The following DLD variants were observed in gnomAD, a reference collection of about 807,000 sequenced individuals.
DLD encodes dihydrolipoyl dehydrogenase, mitochondrial.
DLD carries 36 observed loss-of-function variants against 62.2 expected under a neutral mutation model. The observed-to-expected ratio is 0.58, with a 90% CI of 0.44 to 0.76. The LOEUF is 0.76. Ranked by LOEUF, DLD falls within the 30% of genes least tolerant of loss-of-function variation. DLD has a pLI of 0.00. For synonymous variants in DLD, 204 were observed against 199.6 expected, an observed-to-expected ratio of 1.02 and a Z score of -0.19; for missense variants, 541 against 608.6, an observed-to-expected ratio of 0.89 and a Z score of 1.17.
At chr7:107,901,580 C>G (rs967749042) in intron 2 of DLD, among the ~76,000 whole-genome samples, 158 bp from the exon 3 acceptor site, 4 of 152,078 alleles carry the variant, frequency 2.6e-5, no homozygotes, top group African/African-American at 9.7e-5. Context: ...CAAAGAGCAT[C>G]AAGTAGTAGT....
chr7:107,899,122 A>T (rs1408447215), intron 2 of DLD, among the ~76,000 whole-genome samples: 1 of 152,072 alleles, frequency 6.6e-6, no homozygotes, highest in Non-Finnish European at 1.5e-5. Context: ...AGTACCACAT[A>T]TGTGCTCATT....
At chr7:107,899,215 C>T (rs1476903606) in intron 2 of DLD, among the ~76,000 whole-genome samples, 4 of 151,508 alleles carry the variant, frequency 2.6e-5, no homozygotes, top group East Asian at 1.9e-4. Flanking sequence ...CTTATACCCT[C>T]CTGTATTCTC....
chr7:107,913,356 T>A (rs2032189588), intron 8 of DLD, among the ~76,000 whole-genome samples: 1 of 152,134 alleles, frequency 6.6e-6, no homozygotes, highest in Non-Finnish European at 1.5e-5. Context: ...CGATATTAAT[T>A]TTTCCAGTCC....
In DLD at chr7:107,891,556, C is replaced by G. The variant is rs925645776; in HGVS notation, c.39+267C>G. On this transcript the variant is annotated intron_variant, in intron 1 of 13. Transcript: ENST00000205402. ...GGCCGGCGGTCACACATGCCACACC[C>G]CCAAGCCTGGGCCGAGGGCCATCCC... The G allele has an allele frequency of 6.8e-6, 4 of 591,886 alleles. No homozygotes were observed. The African/African-American group carries it at 7.5e-5, about 11-fold the overall frequency. 36.7% of individuals were successfully genotyped at this position (591,886 alleles called of 1,614,324 possible). A position where few individuals can be genotyped will look rare whatever the true frequency, so the allele number is the denominator to read the frequency against.
At chr7:107,892,309 C>A (rs778663931) in intron 1 of DLD, among the ~76,000 whole-genome samples, 1 of 152,166 alleles carries the variant, frequency 6.6e-6, no homozygotes, top group African/African-American at 2.4e-5. Context: ...ATTTGTCAAA[C>A]TGTAGTAGCA....
intron 3 of DLD, among the ~76,000 whole-genome samples, 180 bp downstream of exon 3, chr7:107,901,997 A>G (rs1334427868): frequency 6.6e-6 from 1 of 152,200 alleles, no homozygotes; most frequent in African/African-American, 2.4e-5. Context: ...TTGGAATGGA[A>G]AGTGAAATCT....
At chr7:107,899,569 A>G (rs2031825644) in intron 2 of DLD, among the ~76,000 whole-genome samples, 1 of 152,150 alleles carries the variant, frequency 6.6e-6, no homozygotes, top group Admixed American at 6.5e-5. Context: ...GCTCAAAAAT[A>G]CATATACTTA....
chr7:107,898,602 T>C (rs1285379999), intron 2 of DLD, among the ~76,000 whole-genome samples: 1 of 151,022 alleles, frequency 6.6e-6, no homozygotes, highest in Non-Finnish European at 1.5e-5. Context: ...TTTTTAACTT[T>C]TTTTTTGAGA....
intron 8 of DLD, among the ~76,000 whole-genome samples, chr7:107,911,456 A>G (rs1160167690): frequency 6.6e-6 from 1 of 152,032 alleles, no homozygotes; most frequent in African/African-American, 2.4e-5. Flanking sequence ...ATTTGTGTAC[A>G]AGTTTTTGTG....
chr7:107,899,297 G>A (rs2031815667), intron 2 of DLD, among the ~76,000 whole-genome samples: 1 of 149,502 alleles, frequency 6.7e-6, no homozygotes, highest in South Asian at 2.1e-4. Context: ...TAGTGGTATT[G>A]TAATGGAATA....
chr7:107,892,531 C>CTTTATTTATTTATTTA lies in DLD; in HGVS notation c.40-653_40-638dup, dbSNP rs10680033. Among the ~76,000 whole-genome samples, 485 of 149,700 alleles carry CTTTATTTATTTATTTA rather than the reference C, an allele frequency of 3.2e-3. 2 individuals carry two copies. Among genetic ancestry groups the CTTTATTTATTTATTTA allele is most frequent in the African/African-American group, 0.011 (450 of 40,754 alleles). ...AGTATTTAAGTTAGAACTTTCAGAG[C>CTTTATTTATTTATTTA]TTTATTTATTTATTTATTTATTTAT... On this transcript the variant is annotated intron_variant, in intron 1 of 13. Transcript: ENST00000205402.
intron 1 of DLD, chr7:107,891,714 G>C (rs954980967): frequency 1.1e-5 from 3 of 275,026 alleles, no homozygotes; most frequent in African/African-American, 4.6e-5. Flanking sequence ...GCAGTGGGCA[G>C]GTAACCCTGG....
intron 8 of DLD, among the ~76,000 whole-genome samples, chr7:107,909,839 C>CTTTTTTTTTTT (rs71134292): frequency 1.4e-5 from 1 of 73,052 alleles, no homozygotes; most frequent in Admixed American, 1.8e-4. Context: ...GGAGAATTAA[C>CTTTTTTTTTTT]TTTTTTTTTT....
intron 11 of DLD, 69 bp downstream of exon 11, chr7:107,917,531 C>A: frequency 7.0e-7 from 1 of 1,419,176 alleles, no homozygotes. Context: ...GGTTGAGAAA[C>A]AGCATTTTAT....
chr7:107,906,557 G>C lies in DLD; in HGVS notation c.684+189G>C, dbSNP rs10252490. ...ATTTATGTATTTACTCATTTAGAAT[G>C]TTCTCCTTTATTTTAGTCTGTTTCC... On this transcript the variant is annotated intron_variant, in intron 8 of 13. Coordinates refer to ENST00000205402, the MANE Select transcript of DLD (RefSeq NM_000108.5). Among the ~76,000 whole-genome samples the C allele has an allele frequency of 0.31, 47,164 of 151,952 alleles. 9,580 individuals carry two copies. The highest frequency in any genetic ancestry group is 0.57 in the African/African-American group (23,459 of 41,446).
chr7:107,899,111 C>T (rs2031810645), intron 2 of DLD, among the ~76,000 whole-genome samples: 1 of 152,088 alleles, frequency 6.6e-6, no homozygotes, highest in Non-Finnish European at 1.5e-5. Context: ...TCTGTGCTTA[C>T]AGTACCACAT....
intron 2 of DLD, among the ~76,000 whole-genome samples, chr7:107,900,514 A>G (rs780282499): frequency 2.6e-5 from 4 of 152,104 alleles, no homozygotes; most frequent in Non-Finnish European, 5.9e-5. Flanking sequence ...GAAGCAGGTT[A>G]AATTACTCAC....
intron 2 of DLD, among the ~76,000 whole-genome samples, chr7:107,894,492 C>T (rs977647203): frequency 6.6e-6 from 1 of 152,120 alleles, no homozygotes; most frequent in African/African-American, 2.4e-5. Context: ...TCAAGAAATC[C>T]TTTTAAAAAA....
chr7:107,902,580 C>T (rs1413596871), intron 4 of DLD, among the ~76,000 whole-genome samples, 187 bp downstream of exon 4: 2 of 152,208 alleles, frequency 1.3e-5, no homozygotes, highest in African/African-American at 4.8e-5. Context: ...AGAGTGCTGT[C>T]ACTAGTCTGC....
Sources: gnomAD v4.1 joint callset for allele counts (sites outside exome capture counted in the v4.1 genomes callset) on GRCh38, gnomAD v4.1.1 for gene constraint, MANE v1.5 for transcripts, NCBI Gene and HGNC (gene_info 2026-07-23, HGNC 2026-07-21) for gene names.